ST8SIA6: variants seen among roughly 807,000 people sequenced by gnomAD.
ST8SIA6 encodes the protein ST8 alpha-N-acetyl-neuraminide alpha-2,8-sialyltransferase 6, also known as alpha-2,8-sialyltransferase 8F.
Under a neutral mutation model 33.6 loss-of-function variants are expected in ST8SIA6, and 39 were observed. The ratio of observed to expected loss-of-function variants is 1.16; its 90% CI spans 0.90 to 1.52. The LOEUF (loss-of-function observed/expected upper bound fraction) is 1.52. Among genes scored for constraint, ST8SIA6 ranks in the 40% most tolerant of loss-of-function variants. The pLI is 0.00. For missense variants in ST8SIA6, 441 were observed against 443.8 expected (o/e 0.99, Z 0.06); for synonymous variants, 172 against 167.2 (o/e 1.03, Z -0.22).
At chr10:17,350,071 A>T (rs992941600) in intron 4 of ST8SIA6, among the ~76,000 whole-genome samples, 5 of 152,206 alleles carry the variant, frequency 3.3e-5, no homozygotes, top group African/African-American at 9.7e-5. Context: ...TGAGGAAGGG[A>T]TAACTGGTTC....
intron 2 of ST8SIA6, among the ~76,000 whole-genome samples, chr10:17,414,083 A>G (rs1196175891): frequency 1.3e-5 from 2 of 152,014 alleles, no homozygotes; most frequent in African/African-American, 4.8e-5. Context: ...TCCCCAACTC[A>G]CACCCTTGAA....
intron 3 of ST8SIA6, among the ~76,000 whole-genome samples, chr10:17,376,353 TA>T (rs2131638354): frequency 6.7e-6 from 1 of 149,204 alleles, no homozygotes; most frequent in South Asian, 2.2e-4. Flanking sequence ...CGAGAGAGAG[TA>T]AAATTTTGTG....
intron 2 of ST8SIA6, among the ~76,000 whole-genome samples, chr10:17,445,814 T>C (rs919233847): frequency 5.3e-5 from 8 of 152,142 alleles, no homozygotes; most frequent in Non-Finnish European, 1.2e-4. Context: ...GGGTGGTGGA[T>C]ACTGGGACAG....
chr10:17,381,047 T>G (rs1850134324), intron 3 of ST8SIA6, among the ~76,000 whole-genome samples: 1 of 151,926 alleles, frequency 6.6e-6, no homozygotes, highest in African/African-American at 2.4e-5. Flanking sequence ...TTTTTTTCTT[T>G]ATCTTCTCAG....
chr10:17,394,187 T>G (rs1272280373), intron 2 of ST8SIA6, among the ~76,000 whole-genome samples: 3 of 151,910 alleles, frequency 2.0e-5, no homozygotes, highest in Admixed American at 6.5e-5. Context: ...TTGCGCAAAC[T>G]AAAATCACAG....
chr10:17,346,251 T>C (rs749024996), intron 4 of ST8SIA6, among the ~76,000 whole-genome samples: 3 of 152,172 alleles, frequency 2.0e-5, no homozygotes, highest in African/African-American at 4.8e-5. Flanking sequence ...ATCTTGGATG[T>C]CCAACTCAGG....
At chr10:17,421,072 CT>C in intron 2 of ST8SIA6, among the ~76,000 whole-genome samples, 1 of 152,178 alleles carries the variant, frequency 6.6e-6, no homozygotes, top group Non-Finnish European at 1.5e-5. Flanking sequence ...GGCTCCTCCC[CT>C]GATACATGGG....
Position 17,319,417 on chromosome 10 carries a change from A to G in ST8SIA6, c.*1461T>C. On this transcript the variant is annotated 3_prime_UTR_variant, in exon 8 of 8. Transcript: ENST00000377602. ...TGAATCTAGGTAGGATTGTTGTAAA[A>G]TTTCACACGTGCTTTTAGGATGGCA... Among the ~76,000 whole-genome samples, 1 of 152,122 alleles carries G rather than the reference A, an allele frequency of 6.6e-6. No homozygotes were observed.
chr10:17,385,015 T>C (rs1850282525), intron 3 of ST8SIA6, among the ~76,000 whole-genome samples: 1 of 152,132 alleles, frequency 6.6e-6, no homozygotes, highest in African/African-American at 2.4e-5. Context: ...GTTTTTTGTT[T>C]GTTTGTTTGT....
In ST8SIA6 at chr10:17,318,804, C is replaced by G. The variant is rs1474452832; in HGVS notation, c.*2074G>C. Reference sequence around the variant, plus strand: ...ACTGTGACTTACGTTTTACAGTTTACATAGCTGACATGCTGTATTGTAAAC... The same window carrying G: ...ACTGTGACTTACGTTTTACAGTTTAGATAGCTGACATGCTGTATTGTAAAC... On this transcript the variant is annotated 3_prime_UTR_variant, in exon 8 of 8. Coordinates refer to ENST00000377602, the MANE Select transcript of ST8SIA6 (RefSeq NM_001004470.3). 11 of 456,402 alleles carry G rather than the reference C, an allele frequency of 2.4e-5. No individual in the cohort carries two copies. Among genetic ancestry groups the G allele is most frequent in the Admixed American group, 5.0e-5 (2 of 39,830 alleles). The allele number at this position is 456,402 out of a possible 1,614,324, so 28.3% of individuals were successfully genotyped here.
intron 3 of ST8SIA6, among the ~76,000 whole-genome samples, chr10:17,375,536 C>G (rs7100895): frequency 0.37 from 56,454 of 152,074 alleles, 10,731 homozygotes; most frequent in East Asian, 0.6. Flanking sequence ...CCATGAGGAA[C>G]ATATCTTTCA....
At chr10:17,426,874 G>A (rs531127548) in intron 2 of ST8SIA6, among the ~76,000 whole-genome samples, 1 of 152,312 alleles carries the variant, frequency 6.6e-6, no homozygotes, top group South Asian at 2.1e-4. Flanking sequence ...GGCAGAGGTG[G>A]GTGGATCACT....
At chr10:17,352,937 C>G (rs1198314853) in intron 4 of ST8SIA6, among the ~76,000 whole-genome samples, 3 of 151,946 alleles carry the variant, frequency 2.0e-5, no homozygotes, top group Admixed American at 6.6e-5. Flanking sequence ...CCCAAATCAC[C>G]TATCATAAAG....
chr10:17,426,228 A>G (rs1041947428), intron 2 of ST8SIA6, among the ~76,000 whole-genome samples: 2 of 152,158 alleles, frequency 1.3e-5, no homozygotes, highest in African/African-American at 4.8e-5. Flanking sequence ...ATGTGGGACT[A>G]ATACATTGCC....
intron 2 of ST8SIA6, among the ~76,000 whole-genome samples, chr10:17,427,113 A>AT (rs1374500238): frequency 6.6e-6 from 1 of 151,870 alleles, no homozygotes; most frequent in Non-Finnish European, 1.5e-5. Flanking sequence ...GAAAAAAAAA[A>AT]AAAAAGTTCT....
At chr10:17,419,884 C>G (rs1243183981) in intron 2 of ST8SIA6, among the ~76,000 whole-genome samples, 1 of 152,190 alleles carries the variant, frequency 6.6e-6, no homozygotes, top group South Asian at 2.1e-4. Flanking sequence ...TTCCACCTAC[C>G]CTTTCTGAAT....
At chr10:17,449,857 A>G (rs1357238099) in intron 2 of ST8SIA6, among the ~76,000 whole-genome samples, 1 of 152,164 alleles carries the variant, frequency 6.6e-6, no homozygotes, top group Admixed American at 6.5e-5. Flanking sequence ...TGGGGGCAAT[A>G]AAAAGCTAGT....
chr10:17,333,179 T>G (rs1471321949), intron 4 of ST8SIA6, among the ~76,000 whole-genome samples: 3 of 152,104 alleles, frequency 2.0e-5, no homozygotes, highest in Admixed American at 6.6e-5. Flanking sequence ...GAATATAGCT[T>G]ACAAGGAATG....
At chr10:17,426,818 G>A (rs17141082) in intron 2 of ST8SIA6, among the ~76,000 whole-genome samples, 4,289 of 152,214 alleles carry the variant, frequency 0.028, 68 homozygotes, top group South Asian at 0.054. Flanking sequence ...TTCTATGCAC[G>A]GGGCCAGGCG....
Sources: allele counts gnomAD v4.1 joint callset (sites outside exome capture counted in the v4.1 genomes callset), GRCh38; gene constraint gnomAD v4.1.1; transcripts MANE v1.5; gene names NCBI Gene and HGNC (gene_info 2026-07-23, HGNC 2026-07-21).